The following MATCAP2 variants were observed in gnomAD, a reference collection of about 807,000 sequenced individuals.
The protein encoded by MATCAP2 is microtubule associated tyrosine carboxypeptidase 2, also known as putative tyrosine carboxypeptidase MATCAP2.
chr7:36,340,582 T>C, the MATCAP2 span, among the ~76,000 whole-genome samples: 1 of 152,240 alleles, frequency 6.6e-6, no homozygotes, highest in African/African-American at 2.4e-5. Context: ...CAATCACTCT[T>C]CTCTGAATGT....
At chr7:36,389,963 T>A in the MATCAP2 span, 1 of 1,614,030 alleles carries the variant, frequency 6.2e-7, no homozygotes, top group Non-Finnish European at 8.5e-7. Flanking sequence ...GAGCTGAGAC[T>A]CACTTTTCTC....
the MATCAP2 span, chr7:36,355,727 T>G: frequency 6.6e-6 from 1 of 152,332 alleles, no homozygotes; most frequent in African/African-American, 2.4e-5. Context: ...GAGAGAACCA[T>G]GCAGTTTTAC....
At chr7:36,349,310 C>A in the MATCAP2 span, among the ~76,000 whole-genome samples, 1 of 151,920 alleles carries the variant, frequency 6.6e-6, no homozygotes, top group African/African-American at 2.4e-5. Context: ...CAGACTAGGA[C>A]CAGATTGCAA....
the MATCAP2 span, among the ~76,000 whole-genome samples, chr7:36,341,195 A>G: frequency 6.6e-6 from 1 of 152,310 alleles, no homozygotes; most frequent in Admixed American, 6.5e-5. Flanking sequence ...GCATTCACAC[A>G]CCTGCACATG....
chr7:36,342,179 G>A, the MATCAP2 span, among the ~76,000 whole-genome samples: 2 of 146,130 alleles, frequency 1.4e-5, no homozygotes, highest in Non-Finnish European at 3.0e-5. Flanking sequence ...CACTACATAG[G>A]TCTTTTTTTT....
the MATCAP2 span, among the ~76,000 whole-genome samples, chr7:36,379,971 A>G: frequency 2.0e-5 from 3 of 151,832 alleles, no homozygotes; most frequent in South Asian, 2.1e-4. Context: ...CTCTCTCTCT[A>G]TGTGTCTACA....
the MATCAP2 span, among the ~76,000 whole-genome samples, chr7:36,336,510 T>A: frequency 6.6e-6 from 1 of 152,144 alleles, no homozygotes; most frequent in Admixed American, 6.6e-5. Flanking sequence ...TACGAACTCT[T>A]CCCCTGTGTT....
chr7:36,352,473 C>T, the MATCAP2 span, among the ~76,000 whole-genome samples: 10 of 149,224 alleles, frequency 6.7e-5, no homozygotes, highest in African/African-American at 2.2e-4. Flanking sequence ...TACTGTTTCA[C>T]TCATGGATAT....
At chr7:36,366,149 C>T in the MATCAP2 span, among the ~76,000 whole-genome samples, 333 of 152,270 alleles carry the variant, frequency 2.2e-3, 2 homozygotes, top group African/African-American at 7.6e-3. Context: ...CCCTTTACTC[C>T]GTTGTTCTTC....
the MATCAP2 span, among the ~76,000 whole-genome samples, chr7:36,343,818 A>G: frequency 6.6e-6 from 1 of 152,008 alleles, no homozygotes; most frequent in African/African-American, 2.4e-5. Context: ...TATGGCTAAT[A>G]TGAAGTCTGT....
chr7:36,335,036 T>C, the MATCAP2 span: 24 of 1,603,634 alleles, frequency 1.5e-5, no homozygotes, highest in Admixed American at 2.4e-4. Flanking sequence ...ATGGAAAGGA[T>C]TGCCCCTACC....
At chr7:36,348,033 T>C in the MATCAP2 span, among the ~76,000 whole-genome samples, 1 of 152,184 alleles carries the variant, frequency 6.6e-6, no homozygotes, top group Non-Finnish European at 1.5e-5. Flanking sequence ...ATACTATGTG[T>C]GGTGAATGTT....
chr7:36,339,758 C>CTTGTATTAATATATTGTATTAATATA, the MATCAP2 span, among the ~76,000 whole-genome samples: 1 of 152,118 alleles, frequency 6.6e-6, no homozygotes, highest in African/African-American at 2.4e-5. Context: ...GAAGTGGTAC[C>CTTGTATTAATATATTGTATTAATATA]TTGTATTAAT....
At chr7:36,336,791 A>T in the MATCAP2 span, among the ~76,000 whole-genome samples, 12 of 152,192 alleles carry the variant, frequency 7.9e-5, no homozygotes, top group Middle Eastern at 3.4e-3. Context: ...TAAAAATTTT[A>T]AAAAAATTTT....
chr7:36,384,837 A>G, the MATCAP2 span, among the ~76,000 whole-genome samples: 1 of 152,078 alleles, frequency 6.6e-6, no homozygotes, highest in Non-Finnish European at 1.5e-5. Context: ...ACCAGAAAAA[A>G]GGCCTGAAGC....
At chr7:36,388,629 A>G in the MATCAP2 span, among the ~76,000 whole-genome samples, 2 of 152,242 alleles carry the variant, frequency 1.3e-5, no homozygotes, top group Non-Finnish European at 2.9e-5. Flanking sequence ...TGAATCTGAT[A>G]CAGAAATTAT....
chr7:36,384,579 A>G, the MATCAP2 span, among the ~76,000 whole-genome samples: 1 of 152,374 alleles, frequency 6.6e-6, no homozygotes, highest in Non-Finnish European at 1.5e-5. Context: ...GCTAATAAAC[A>G]TAAACACATA....
the MATCAP2 span, among the ~76,000 whole-genome samples, chr7:36,384,864 G>T: frequency 1.6e-3 from 210 of 127,532 alleles, no homozygotes; most frequent in South Asian, 2.4e-3. Context: ...ATAGTGAAAA[G>T]AAAAAAAAAA....
the MATCAP2 span, chr7:36,337,536 G>A: frequency 6.6e-6 from 1 of 152,278 alleles, no homozygotes; most frequent in African/African-American, 2.4e-5. Flanking sequence ...TAGTTTCTGA[G>A]CTGTCAGACT....
Sources: allele counts gnomAD v4.1 joint callset (sites outside exome capture counted in the v4.1 genomes callset), GRCh38; gene constraint gnomAD v4.1.1; transcripts MANE v1.5; gene names NCBI Gene and HGNC (gene_info 2026-07-23, HGNC 2026-07-21).